PIK3R1: variants seen among roughly 807,000 people sequenced by gnomAD.
The protein encoded by PIK3R1 is phosphatidylinositol 3-kinase regulatory subunit alpha.
A neutral mutation model predicts 98.0 loss-of-function variants in PIK3R1; 29 were observed. That is an observed-to-expected ratio of 0.30 (90% CI 0.22 to 0.40). The LOEUF (loss-of-function observed/expected upper bound fraction) is 0.40. Among genes scored for constraint, PIK3R1 ranks in the 10% least tolerant of loss-of-function variants. The pLI is 1.00. For missense variants in PIK3R1, 596 were observed against 872.7 expected (o/e 0.68, Z 3.99); for synonymous variants, 282 against 311.8 (o/e 0.90, Z 1.01).
chr5:68,260,143 A>C (rs1745682075), intron 2 of PIK3R1, among the ~76,000 whole-genome samples: 1 of 152,200 alleles, frequency 6.6e-6, no homozygotes, highest in South Asian at 2.1e-4. Flanking sequence ...TCAAATACTA[A>C]GGGCAGCTTT....
At chr5:68,244,665 T>G (rs1321477580) in intron 2 of PIK3R1, among the ~76,000 whole-genome samples, 1 of 152,002 alleles carries the variant, frequency 6.6e-6, no homozygotes, top group East Asian at 1.9e-4. Flanking sequence ...GTTCACTGAA[T>G]AGTTAACTGG....
chr5:68,225,441 C>G (rs1580172306), intron 1 of PIK3R1, among the ~76,000 whole-genome samples: 1 of 152,200 alleles, frequency 6.6e-6, no homozygotes, highest in African/African-American at 2.4e-5. Flanking sequence ...TTCTCTTTGC[C>G]TGATAGTGCT....
At chr5:68,244,603 G>A (rs909783544) in intron 2 of PIK3R1, among the ~76,000 whole-genome samples, 1 of 135,330 alleles carries the variant, frequency 7.4e-6, no homozygotes, top group East Asian at 2.3e-4. Flanking sequence ...AAAAAAAAAA[G>A]AGTTTTAGCT....
chr5:68,280,718 C>A lies in PIK3R1; in HGVS notation c.825C>A (p.Phe275Leu), dbSNP rs377030014. 23 of 1,613,808 alleles carry A rather than the reference C, an allele frequency of 1.4e-5. No homozygotes were observed. In the African/African-American group the frequency reaches 2.8e-4, roughly 20 times the overall value. ...SEIFSPMLFR[F>L]SAASSDNTEN... ...TTTTCAGCCCTATGCTTTTCAGATTCTCAGCAGCCAGGTAAGTGAAAGGAG... is the reference window on the plus strand; with the variant it reads ...TTTTCAGCCCTATGCTTTTCAGATTATCAGCAGCCAGGTAAGTGAAAGGAG... The change falls in exon 6 of 16, where the codon TTC becomes TTA. Residue 275 changes from phenylalanine (F) to leucine (L), a missense_variant. Physicochemically the swap from Phe to Leu is conservative, Grantham distance 22. Coordinates refer to ENST00000521381, the MANE Select transcript of PIK3R1 (RefSeq NM_181523.3).
In PIK3R1 at chr5:68,298,440, C is replaced by T. The variant is rs1470092365; in HGVS notation, c.*839C>T. 4.3e-6 allele frequency: 1 copy of T among 233,248 alleles called. No individual in the cohort carries two copies. The highest frequency in any genetic ancestry group is 8.5e-6 in the Non-Finnish European group (1 of 117,826). 14.4% of individuals were successfully genotyped at this position (233,248 alleles called of 1,614,324 possible). Reference sequence around the variant, plus strand: ...CTTAATTTTCATTAAGTTGTTATTTCAGTTTTAAATGTACCTTCAGAATAA... The same window carrying T: ...CTTAATTTTCATTAAGTTGTTATTTTAGTTTTAAATGTACCTTCAGAATAA... On this transcript the variant is annotated 3_prime_UTR_variant, in exon 16 of 16. Transcript: ENST00000521381.
At chr5:68,231,826 T>C (rs1224410543) in intron 2 of PIK3R1, among the ~76,000 whole-genome samples, 1 of 152,242 alleles carries the variant, frequency 6.6e-6, no homozygotes, top group East Asian at 1.9e-4. Context: ...AGGTTTGTCT[T>C]GTTAAGCCCA....
intron 2 of PIK3R1, among the ~76,000 whole-genome samples, chr5:68,250,633 A>T (rs7732540): frequency 4.8e-4 from 73 of 152,282 alleles, no homozygotes; most frequent in African/African-American, 1.7e-3. Context: ...TAATCTCAGG[A>T]CCTAACCACC....
At chr5:68,218,101 C>T (rs901191966) in intron 1 of PIK3R1, among the ~76,000 whole-genome samples, 4 of 151,640 alleles carry the variant, frequency 2.6e-5, no homozygotes, top group Admixed American at 6.6e-5. Context: ...TTTTCTTTAG[C>T]GATTTCTTGA....
At chr5:68,240,470 A>G (rs926381458) in intron 2 of PIK3R1, among the ~76,000 whole-genome samples, 2 of 152,168 alleles carry the variant, frequency 1.3e-5, no homozygotes, top group Admixed American at 1.3e-4. Flanking sequence ...TTTAACTGAA[A>G]CTCCAGTTCT....
In PIK3R1 at chr5:68,299,896, G is replaced by A. The variant is rs1176433383; in HGVS notation, c.*2295G>A. ...TCCCTCTCATCGCCAGACAACTGAC[G>A]ATTTCCCTGGTTTTAGTCTGCGTCT... is the stretch of plus-strand genomic sequence containing the variant. On this transcript the variant is annotated 3_prime_UTR_variant, in exon 16 of 16. Transcript: ENST00000521381. 4.3e-6 allele frequency: 1 copy of A among 233,122 alleles called. No individual in the cohort carries two copies. Among genetic ancestry groups the A allele is most frequent in the East Asian group, 6.0e-5 (1 of 16,568 alleles). 14.4% of individuals were successfully genotyped at this position (233,122 alleles called of 1,614,324 possible).
chr5:68,248,977 TA>T (rs1304737202), intron 2 of PIK3R1, among the ~76,000 whole-genome samples: 4 of 152,364 alleles, frequency 2.6e-5, no homozygotes, highest in Admixed American at 1.3e-4. Flanking sequence ...AGCGTTAGGC[TA>T]ATACATAGTA....
chr5:68,293,609 A>C (rs1747512145), intron 10 of PIK3R1, 100 bp from the exon 11 acceptor site: 1 of 1,156,512 alleles, frequency 8.6e-7, no homozygotes, highest in Non-Finnish European at 1.2e-6. Context: ...TCGTAATTAC[A>C]TAATTGCAAT....
At position 68,299,302 on chromosome 5, in the gene PIK3R1, A is replaced by ACAT. The variant is rs1240802215; in HGVS notation, c.*1702_*1704dup. The ACAT allele has an allele frequency of 4.3e-6, 1 of 233,204 alleles. No individual in the cohort carries two copies. Among genetic ancestry groups the ACAT allele is most frequent in the Non-Finnish European group, 8.5e-6 (1 of 118,016 alleles). 14.4% of individuals were successfully genotyped at this position (233,204 alleles called of 1,614,324 possible). ...CTCCTAGCTTTCCATTTGGTTTAGA[A>ACAT]CATAAAGCAAATAGACACAGTCATA... On this transcript the variant is annotated 3_prime_UTR_variant, in exon 16 of 16. Coordinates refer to ENST00000521381, the MANE Select transcript of PIK3R1 (RefSeq NM_181523.3).
chr5:68,281,158 C>T, intron 7 of PIK3R1, 152 bp downstream of exon 7: 1 of 596,798 alleles, frequency 1.7e-6, no homozygotes, highest in Non-Finnish European at 3.0e-6. Flanking sequence ...GAAAAAATAG[C>T]TGAGTGGTAG....
chr5:68,238,807 G>A lies in PIK3R1; in HGVS notation c.334+11798G>A, dbSNP rs563029351. 1.3e-3 allele frequency among the ~76,000 whole-genome samples: 195 copies of A among 152,234 alleles called. 2 individuals are homozygous for A. Among genetic ancestry groups the A allele is most frequent in the African/African-American group, 4.6e-3 (190 of 41,542 alleles). On this transcript the variant is annotated intron_variant, in intron 2 of 15. Transcript: ENST00000521381. ...ATCATTATAAGAAGTTTTCATGCAC[G>A]TGTGCAGATTTGAAAGTGTTGCCGT...
intron 2 of PIK3R1, among the ~76,000 whole-genome samples, chr5:68,253,983 CTTT>C (rs5868528): frequency 2.1e-4 from 27 of 129,572 alleles, no homozygotes; most frequent in Middle Eastern, 3.9e-3. Flanking sequence ...CGTGGACCCC[CTTT>C]TTTTTTTTTT....
chr5:68,262,460 ATATC>A (rs1478602099), intron 2 of PIK3R1, among the ~76,000 whole-genome samples: 34 of 146,914 alleles, frequency 2.3e-4, no homozygotes, highest in African/African-American at 7.7e-4. Context: ...ATACATATAT[ATATC>A]TATATATGTA....
Position 68,226,981 on chromosome 5 carries a change from G to A in PIK3R1, c.306G>A (p.Ser102=), listed in dbSNP as rs538021528. The A allele has an allele frequency of 1.2e-4, 187 of 1,612,760 alleles. No homozygotes were observed. The Admixed American group carries it at 1.7e-3, about 15-fold the overall frequency. Residue 102 remains serine (S), a synonymous_variant, in exon 2 of 16, where the codon TCG becomes TCA. Transcript: ENST00000521381. ...CTCTTCCTGTTGCACCAGGTTCTTC[G>A]AAAACTGAAGCAGATGTTGAACAAC... ...PRPLPVAPGS[S]KTEADVEQQA...
intron 1 of PIK3R1, among the ~76,000 whole-genome samples, chr5:68,218,807 G>A (rs1318027331): frequency 6.6e-6 from 1 of 152,180 alleles, no homozygotes; most frequent in Non-Finnish European, 1.5e-5. Context: ...AGCCCTGGAA[G>A]ACTAGAAAGT....
Sources: allele counts gnomAD v4.1 joint callset (sites outside exome capture counted in the v4.1 genomes callset), GRCh38; gene constraint gnomAD v4.1.1; transcripts MANE v1.5; gene names NCBI Gene and HGNC (gene_info 2026-07-23, HGNC 2026-07-21).